DAP: variants seen among roughly 807,000 people sequenced by gnomAD.
DAP encodes the protein death associated protein.
A neutral mutation model predicts 13.8 loss-of-function variants in DAP; 8 were observed. The observed-to-expected ratio is 0.58, with a 90% CI of 0.34 to 1.05. The LOEUF (loss-of-function observed/expected upper bound fraction) is 1.05. DAP is among the 50% of genes least tolerant of loss of function. The probability of loss-of-function intolerance (pLI) is 0.03; values close to 1 mark genes in which losing one functional copy is unlikely to be tolerated. For synonymous variants in DAP, 47 were observed against 47.5 expected, an observed-to-expected ratio of 0.99 and a Z score of 0.04; for missense variants, 106 against 133.2, an observed-to-expected ratio of 0.80 and a Z score of 1.01.
intron 2 of DAP, among the ~76,000 whole-genome samples, chr5:10,706,384 G>A (rs1354749427): frequency 6.6e-6 from 1 of 152,204 alleles, no homozygotes; most frequent in East Asian, 1.9e-4. Flanking sequence ...CATGCACAGA[G>A]AGGTTGAATA....
chr5:10,751,790 A>G (rs1034773125), intron 1 of DAP, among the ~76,000 whole-genome samples: 6 of 152,372 alleles, frequency 3.9e-5, no homozygotes, highest in Admixed American at 2.6e-4. Context: ...AAACAGCAAG[A>G]AAGTGCCATC....
intron 2 of DAP, among the ~76,000 whole-genome samples, chr5:10,741,315 T>C (rs1394913107): frequency 6.6e-6 from 1 of 152,202 alleles, no homozygotes; most frequent in East Asian, 1.9e-4. Flanking sequence ...ATTATGCTAC[T>C]GCAATCCAGC....
chr5:10,725,890 A>G (rs1332479906), intron 2 of DAP, among the ~76,000 whole-genome samples: 2 of 152,242 alleles, frequency 1.3e-5, no homozygotes, highest in African/African-American at 2.4e-5. Context: ...AGAGAGTCCC[A>G]CCACTTACCT....
intron 2 of DAP, among the ~76,000 whole-genome samples, chr5:10,738,391 T>C (rs1406009710): frequency 2.0e-5 from 3 of 152,200 alleles, no homozygotes; most frequent in African/African-American, 7.2e-5. Context: ...GCAGATGCCA[T>C]CTTAACTGAA....
intron 2 of DAP, among the ~76,000 whole-genome samples, chr5:10,685,797 T>C (rs571490391): frequency 3.3e-5 from 5 of 152,296 alleles, no homozygotes; most frequent in African/African-American, 7.2e-5. Context: ...ATGTCATCCA[T>C]AGAGAGTCAA....
At chr5:10,753,746 G>A (rs180861970) in intron 1 of DAP, among the ~76,000 whole-genome samples, 3 of 152,356 alleles carry the variant, frequency 2.0e-5, no homozygotes, top group Admixed American at 6.5e-5. Flanking sequence ...AGGAAGGGCT[G>A]TTAACTCACA....
At chr5:10,698,467 G>A (rs56322014) in intron 2 of DAP, among the ~76,000 whole-genome samples, 9,945 of 152,016 alleles carry the variant, frequency 0.065, 368 homozygotes, top group African/African-American at 0.093. Context: ...CAATGGGAGC[G>A]CAGCAGGGCA....
At chr5:10,693,665 T>C (rs780171174) in intron 2 of DAP, among the ~76,000 whole-genome samples, 1 of 152,196 alleles carries the variant, frequency 6.6e-6, no homozygotes, top group Admixed American at 6.5e-5. Context: ...GGCTGTATAG[T>C]GCATGTAATC....
intron 2 of DAP, among the ~76,000 whole-genome samples, chr5:10,687,579 G>A (rs970649949): frequency 6.6e-6 from 1 of 152,182 alleles, no homozygotes; most frequent in African/African-American, 2.4e-5. Context: ...GCCTGAAGAT[G>A]GAACTGAATG....
chr5:10,744,843 C>T (rs1739861477), intron 2 of DAP, among the ~76,000 whole-genome samples: 1 of 152,046 alleles, frequency 6.6e-6, no homozygotes, highest in Admixed American at 6.5e-5. Flanking sequence ...CGTGGAGCAG[C>T]GTAAGGAATC....
At chr5:10,727,561 A>C (rs777029018) in intron 2 of DAP, among the ~76,000 whole-genome samples, 10 of 151,868 alleles carry the variant, frequency 6.6e-5, no homozygotes, top group Admixed American at 2.6e-4. Flanking sequence ...GATGGGGGGG[A>C]CTGGGGAGAG....
intron 2 of DAP, among the ~76,000 whole-genome samples, chr5:10,746,502 G>A (rs1175390997): frequency 1.3e-5 from 2 of 151,928 alleles, no homozygotes; most frequent in Non-Finnish European, 2.9e-5. Flanking sequence ...ACTGATTTTT[G>A]TGTTTTTAGT....
At chr5:10,699,861 C>G (rs1322573823) in intron 2 of DAP, among the ~76,000 whole-genome samples, 8 of 152,250 alleles carry the variant, frequency 5.3e-5, no homozygotes, top group African/African-American at 1.7e-4. Flanking sequence ...CTTGAGGGAG[C>G]TTCCTTTGCT....
At chr5:10,730,083 T>C (rs900729853) in intron 2 of DAP, among the ~76,000 whole-genome samples, 3 of 152,268 alleles carry the variant, frequency 2.0e-5, no homozygotes, top group African/African-American at 7.2e-5. Context: ...TTGCCTTCTG[T>C]GCTTTCTTTG....
chr5:10,753,408 T>C (rs1489644526), intron 1 of DAP, among the ~76,000 whole-genome samples: 10 of 152,320 alleles, frequency 6.6e-5, no homozygotes, highest in South Asian at 4.1e-4. Context: ...GCCAGGTTAT[T>C]ACACTACCTA....
intron 1 of DAP, among the ~76,000 whole-genome samples, chr5:10,755,511 C>T (rs1237681872): frequency 6.6e-6 from 1 of 152,180 alleles, no homozygotes; most frequent in African/African-American, 2.4e-5. Flanking sequence ...GCGACCTACA[C>T]TTGTCCCCTC....
chr5:10,740,895 A>G (rs548580395), intron 2 of DAP, among the ~76,000 whole-genome samples: 118 of 152,392 alleles, frequency 7.7e-4, no homozygotes, highest in Non-Finnish European at 1.2e-3. Context: ...TTTCATATCT[A>G]TCTTTCTTTA....
chr5:10,745,706 GT>G (rs2126676676), intron 2 of DAP, among the ~76,000 whole-genome samples: 1 of 152,252 alleles, frequency 6.6e-6, no homozygotes, highest in South Asian at 2.1e-4. Flanking sequence ...TATTGACACT[GT>G]GTTAGGTAGG....
Position 10,680,962 on chromosome 5 carries a change from A to G in DAP, c.*94T>C, listed in dbSNP as rs1157620895. 1.3e-6 allele frequency: 2 copies of G among 1,543,474 alleles called. No individual in the cohort carries two copies. The highest frequency in any genetic ancestry group is 1.7e-6 in the Non-Finnish European group (2 of 1,147,030). Reference sequence around the variant, plus strand: ...GGTTTTGCCTTAGATTTCCCAGCAGAGTAGGATTTGGGCGAAACTGCTGGT... The same window carrying G: ...GGTTTTGCCTTAGATTTCCCAGCAGGGTAGGATTTGGGCGAAACTGCTGGT... On this transcript the variant is annotated 3_prime_UTR_variant, in exon 4 of 4. Transcript: ENST00000230895.
Sources: allele counts gnomAD v4.1 joint callset (sites outside exome capture counted in the v4.1 genomes callset), GRCh38; gene constraint gnomAD v4.1.1; transcripts MANE v1.5; gene names NCBI Gene and HGNC (gene_info 2026-07-23, HGNC 2026-07-21).